The following ZBTB20 variants were observed in gnomAD, a reference collection of about 807,000 sequenced individuals.
ZBTB20 encodes zinc finger and BTB domain-containing protein 20.
ZBTB20 carries 9 observed loss-of-function variants against 56.9 expected under a neutral mutation model. The observed-to-expected ratio is 0.16, with a 90% CI of 0.10 to 0.28. The LOEUF is 0.28. Ranked by LOEUF, ZBTB20 falls within the 10% of genes least tolerant of loss-of-function variation. The pLI is 1.00. For missense variants in ZBTB20, 655 were observed against 1,003.0 expected (o/e 0.65, Z 4.69); for synonymous variants, 417 against 420.7 (o/e 0.99, Z 0.11).
intron 6 of ZBTB20, among the ~76,000 whole-genome samples, chr3:114,668,996 C>A (rs115175212): frequency 2.0e-5 from 3 of 152,168 alleles, no homozygotes; most frequent in Non-Finnish European, 4.4e-5. Flanking sequence ...TGAACAACAA[C>A]AACAAAACTG....
chr3:114,948,964 A>T (rs1171078023), intron 3 of ZBTB20, among the ~76,000 whole-genome samples: 1 of 146,234 alleles, frequency 6.8e-6, no homozygotes, highest in Non-Finnish European at 1.5e-5. Flanking sequence ...AAAAAGGAAC[A>T]AGACTAACTA....
rs1016579762 is a variant in ZBTB20 at position 114,317,739 on chromosome 3, A to G, written c.*21266T>C. The G allele has an allele frequency of 1.3e-5, 2 of 152,220 alleles. No homozygotes were observed. Among genetic ancestry groups the G allele is most frequent in the African/African-American group, 4.8e-5 (2 of 41,448 alleles). The allele number at this position is 152,220 out of a possible 1,614,324, so 9.4% of individuals were successfully genotyped here. On this transcript the variant is annotated 3_prime_UTR_variant, in exon 12 of 12. Coordinates refer to ENST00000675478, the MANE Select transcript of ZBTB20 (RefSeq NM_001348800.3). ...GTTCATCTAACTATAAAAGGAAAAG[A>G]TGAAGGCACGTGATATTATTCGGTC...
intron 6 of ZBTB20, among the ~76,000 whole-genome samples, chr3:114,663,064 G>A (rs2060832362): frequency 6.6e-6 from 1 of 150,548 alleles, no homozygotes; most frequent in Admixed American, 6.7e-5. Flanking sequence ...CTCGAGAAGA[G>A]CAACTCCAAG....
chr3:114,454,410 C>T (rs889101952), intron 7 of ZBTB20, among the ~76,000 whole-genome samples: 8 of 151,524 alleles, frequency 5.3e-5, no homozygotes, highest in African/African-American at 1.7e-4. Context: ...TGTACTGCTT[C>T]CATTCTTTCT....
In ZBTB20 at chr3:114,377,082, A is replaced by G. The variant is rs566417270; in HGVS notation, c.199+3135T>C. Among the ~76,000 whole-genome samples, 16 of 152,324 alleles carry G rather than the reference A, an allele frequency of 1.1e-4. No homozygotes were observed. In the East Asian group the frequency reaches 3.1e-3, roughly 29 times the overall value. On this transcript the variant is annotated intron_variant, in intron 10 of 11. Coordinates refer to ENST00000675478, the MANE Select transcript of ZBTB20 (RefSeq NM_001348800.3). Reference sequence around the variant, plus strand: ...TTGGTTTAGTCCTGCTTAAGCATTTAAAGGGAGCACTTGGCTCAGCTCATA... The same window carrying G: ...TTGGTTTAGTCCTGCTTAAGCATTTGAAGGGAGCACTTGGCTCAGCTCATA...
Position 114,930,085 on chromosome 3 carries a change from C to T in ZBTB20, c.-455-29743G>A, listed in dbSNP as rs1302025313. Among the ~76,000 whole-genome samples, 3 of 152,126 alleles carry T rather than the reference C, an allele frequency of 2.0e-5. No homozygotes were observed. In the East Asian group the frequency reaches 5.8e-4, roughly 29 times the overall value. ...CCTTCCAAGCACAAATAAATCCTGC[C>T]TTCCATTTAAACAAACAAACAAACA... On this transcript the variant is annotated intron_variant, in intron 3 of 11. Coordinates refer to ENST00000675478, the MANE Select transcript of ZBTB20 (RefSeq NM_001348800.3).
intron 4 of ZBTB20, among the ~76,000 whole-genome samples, chr3:114,839,481 AAG>A (rs747395926): frequency 1.7e-4 from 24 of 139,556 alleles, no homozygotes; most frequent in African/African-American, 5.6e-4. Flanking sequence ...GAGAGAAAGA[AAG>A]AGAAAGAAAG....
At chr3:114,805,186 A>G (rs1437953765) in intron 4 of ZBTB20, among the ~76,000 whole-genome samples, 1 of 151,958 alleles carries the variant, frequency 6.6e-6, no homozygotes, top group Non-Finnish European at 1.5e-5. Flanking sequence ...AAATTAAGAA[A>G]TTAATATTGA....
At chr3:114,737,121 G>T (rs2066230069) in intron 5 of ZBTB20, among the ~76,000 whole-genome samples, 1 of 152,110 alleles carries the variant, frequency 6.6e-6, no homozygotes, top group Non-Finnish European at 1.5e-5. Context: ...CTATGGACAA[G>T]ATGAATTAAT....
At chr3:115,005,282 T>C (rs573065805) in intron 2 of ZBTB20, among the ~76,000 whole-genome samples, 2 of 151,996 alleles carry the variant, frequency 1.3e-5, no homozygotes, top group Admixed American at 6.6e-5. Context: ...ACATTTTATC[T>C]GTATTTGTAT....
chr3:114,718,976 G>GA (rs914279598), intron 5 of ZBTB20, among the ~76,000 whole-genome samples: 3 of 151,296 alleles, frequency 2.0e-5, no homozygotes, highest in Admixed American at 1.3e-4. Flanking sequence ...ATTAATCCAG[G>GA]AAAAAAATCC....
At chr3:114,394,778 C>G (rs931945595) in intron 7 of ZBTB20, among the ~76,000 whole-genome samples, 70 of 152,308 alleles carry the variant, frequency 4.6e-4, no homozygotes, top group African/African-American at 1.5e-3. Flanking sequence ...ACAGTTCACA[C>G]AGCCAGCCGA....
At chr3:114,645,587 G>A (rs2059792006) in intron 6 of ZBTB20, among the ~76,000 whole-genome samples, 1 of 152,090 alleles carries the variant, frequency 6.6e-6, no homozygotes, top group Admixed American at 6.5e-5. Context: ...GCATTGTTGA[G>A]GGTCAAAGTT....
At chr3:115,049,007 C>T (rs1357421348) in intron 2 of ZBTB20, among the ~76,000 whole-genome samples, 4 of 152,018 alleles carry the variant, frequency 2.6e-5, no homozygotes, top group Admixed American at 2.0e-4. Flanking sequence ...AACCCATGAA[C>T]GGGTCATATA....
At chr3:115,105,166 G>A (rs1304578445) in intron 1 of ZBTB20, among the ~76,000 whole-genome samples, 1 of 147,442 alleles carries the variant, frequency 6.8e-6, no homozygotes, top group African/African-American at 2.7e-5. Flanking sequence ...AATTTAAAAG[G>A]ACGGAATTGA....
chr3:114,868,676 T>C (rs1313131933), intron 4 of ZBTB20, among the ~76,000 whole-genome samples: 1 of 152,198 alleles, frequency 6.6e-6, no homozygotes, highest in African/African-American at 2.4e-5. Flanking sequence ...TTATACCAGT[T>C]GCACATGATC....
At chr3:114,707,194 TC>T (rs2063768973) in intron 5 of ZBTB20, among the ~76,000 whole-genome samples, 1 of 152,212 alleles carries the variant, frequency 6.6e-6, no homozygotes, top group South Asian at 2.1e-4. Context: ...TTGCTATATG[TC>T]ATTTATAATG....
At chr3:114,594,228 T>C (rs770783539) in intron 6 of ZBTB20, among the ~76,000 whole-genome samples, 1 of 152,032 alleles carries the variant, frequency 6.6e-6, no homozygotes, top group Non-Finnish European at 1.5e-5. Flanking sequence ...CCAAAGTGTG[T>C]CTATAGTGAT....
chr3:114,382,487 C>T (rs1221782790), intron 8 of ZBTB20, among the ~76,000 whole-genome samples: 2 of 152,188 alleles, frequency 1.3e-5, no homozygotes, highest in Non-Finnish European at 2.9e-5. Context: ...CATCTTTGCT[C>T]AAGTTTTCTC....
Sources: gnomAD v4.1 joint callset for allele counts (sites outside exome capture counted in the v4.1 genomes callset) on GRCh38, gnomAD v4.1.1 for gene constraint, MANE v1.5 for transcripts, NCBI Gene and HGNC (gene_info 2026-07-23, HGNC 2026-07-21) for gene names.